SLC35A5: variants seen among roughly 807,000 people sequenced by gnomAD.
SLC35A5 encodes UDP-sugar transporter protein SLC35A5.
In SLC35A5, 28 loss-of-function variants were observed where a neutral mutation model predicts 36.3. The ratio of observed to expected loss-of-function variants is 0.77; its 90% CI spans 0.57 to 1.06. SLC35A5 has a LOEUF of 1.06. Ranked by LOEUF, SLC35A5 falls within the 50% of genes least tolerant of loss-of-function variation. SLC35A5 has a pLI of 0.00. For missense variants in SLC35A5, 521 were observed against 499.3 expected (o/e 1.04, Z -0.41); for synonymous variants, 180 against 173.7 (o/e 1.04, Z -0.29).
chr3:112,561,490 C>G (rs1933878127), upstream of SLC35A5: 3 of 1,613,312 alleles, frequency 1.9e-6, no homozygotes, highest in East Asian at 6.7e-5. Context: ...CAGCCACTTC[C>G]AGTGCCTTTC....
chr3:112,565,495 G>T (rs1049627029), intron 2 of SLC35A5, among the ~76,000 whole-genome samples: 1 of 152,106 alleles, frequency 6.6e-6, no homozygotes, highest in Non-Finnish European at 1.5e-5. Context: ...TTAAGGACTC[G>T]TAGCCAGGCA....
At position 112,581,260 on chromosome 3, in the gene SLC35A5, G is replaced by A. The variant is rs760572824; in HGVS notation, c.1143G>A (p.Pro381=). The A allele has an allele frequency of 4.6e-5, 75 of 1,613,546 alleles. No individual in the cohort carries two copies. Among genetic ancestry groups the A allele is most frequent in the African/African-American group, 2.1e-4 (16 of 74,806 alleles). The change falls in exon 6 of 7, where the codon CCG becomes CCA. Residue 381 remains proline, a synonymous_variant. Transcript: ENST00000492406. Reference sequence around the variant, plus strand: ...ATAATGCCAGCAAGCCTCAAGTTCCGGAATACGCACCTAGGCAAGAAAGGA... The same window carrying A: ...ATAATGCCAGCAAGCCTCAAGTTCCAGAATACGCACCTAGGCAAGAAAGGA... The part of the protein sequence containing the change: ...FIYNASKPQV[P]EYAPRQERIR...
Position 112,583,086 on chromosome 3 carries a change from G to T in SLC35A5, c.*350G>T. 2.5e-6 allele frequency: 1 copy of T among 400,716 alleles called. No individual in the cohort carries two copies. Among genetic ancestry groups the T allele is most frequent in the Non-Finnish European group, 4.4e-6 (1 of 227,490 alleles). The allele number at this position is 400,716 out of a possible 1,614,324, so 24.8% of individuals were successfully genotyped here. A position where few individuals can be genotyped will look rare whatever the true frequency, so the allele number is the denominator to read the frequency against. On this transcript the variant is annotated 3_prime_UTR_variant, in exon 7 of 7. Coordinates refer to ENST00000492406, the MANE Select transcript of SLC35A5 (RefSeq NM_017945.5). Reference sequence around the variant, plus strand: ...TGTATATACACATAGAGATCAATTTGCCAAATATTCACAATCATGTAGTTC... The same window carrying T: ...TGTATATACACATAGAGATCAATTTTCCAAATATTCACAATCATGTAGTTC...
At position 112,583,414 on chromosome 3, in the gene SLC35A5, T is replaced by A. The variant is rs981324701; in HGVS notation, c.*678T>A. On this transcript the variant is annotated 3_prime_UTR_variant, in exon 7 of 7. Transcript: ENST00000492406. The stretch of plus-strand genomic sequence containing the variant: ...GATGTTTTAAACATTGGTTCCCTAG[T>A]CACCATAGTTACCACTTGTATTTTA... 1 of 307,478 alleles carries A rather than the reference T, an allele frequency of 3.3e-6. No homozygotes were observed. Among genetic ancestry groups the A allele is most frequent in the African/African-American group, 2.1e-5 (1 of 46,892 alleles). 19.0% of individuals were successfully genotyped at this position (307,478 alleles called of 1,614,324 possible).
upstream of SLC35A5, chr3:112,561,755 C>T: frequency 1.9e-6 from 1 of 532,032 alleles, no homozygotes; most frequent in South Asian, 2.3e-5. Context: ...CCAGGCAGCC[C>T]GCGACGGACC....
At chr3:112,565,171 G>T (rs1209553881) in intron 2 of SLC35A5, among the ~76,000 whole-genome samples, 1 of 151,186 alleles carries the variant, frequency 6.6e-6, no homozygotes, top group Non-Finnish European at 1.5e-5. Context: ...TTGTCCTCAA[G>T]ACTTAGTTTA....
upstream of SLC35A5, chr3:112,561,374 G>A: frequency 1.4e-6 from 2 of 1,433,336 alleles, no homozygotes; most frequent in South Asian, 1.2e-5. Flanking sequence ...CCCCGCCGGA[G>A]AAAGCGGGGA....
intron 2 of SLC35A5, among the ~76,000 whole-genome samples, chr3:112,565,144 T>C (rs1470906254): frequency 1.3e-5 from 2 of 152,166 alleles, no homozygotes; most frequent in African/African-American, 2.4e-5. Context: ...AGGTTCAAAG[T>C]GCATAAGATA....
Position 112,582,730 on chromosome 3 carries a change from T to C in SLC35A5, c.1269T>C (p.Thr423=), listed in dbSNP as rs1173222047. The stretch of plus-strand genomic sequence containing the variant: ...AGAGTGATGAGTCAGATGAAGATAC[T>C]TTCTAACTGGTACCCACATAGTTTG... The part of the protein sequence containing the change: ...KPKSDESDED[T]F Residue 423 remains threonine, a synonymous_variant, in exon 7 of 7, where the codon ACT becomes ACC. Transcript: ENST00000492406. The C allele has an allele frequency of 6.2e-7, 1 of 1,611,550 alleles. No individual in the cohort carries two copies. The highest frequency in any genetic ancestry group is 1.7e-5 in the Admixed American group (1 of 59,922).
intron 5 of SLC35A5, among the ~76,000 whole-genome samples, chr3:112,579,582 C>G (rs987453185): frequency 6.6e-6 from 1 of 152,002 alleles, no homozygotes; most frequent in African/African-American, 2.4e-5. Context: ...TATATCACCA[C>G]CTCCTTTTTC....
chr3:112,571,754 TACTC>T (rs1576751195), intron 4 of SLC35A5, among the ~76,000 whole-genome samples: 2 of 152,220 alleles, frequency 1.3e-5, no homozygotes, highest in South Asian at 4.1e-4. Flanking sequence ...TCATGAGACT[TACTC>T]AGTACCATGA....
intron 4 of SLC35A5, among the ~76,000 whole-genome samples, chr3:112,572,033 C>T (rs1372380020): frequency 7.2e-6 from 1 of 138,742 alleles, no homozygotes; most frequent in Non-Finnish European, 1.5e-5. Context: ...AGCTCCGCTT[C>T]CCGGGTTCAC....
chr3:112,577,101 A>AT (rs59601018), intron 5 of SLC35A5, among the ~76,000 whole-genome samples: 2,486 of 150,964 alleles, frequency 0.016, 56 homozygotes, highest in African/African-American at 0.052. Flanking sequence ...AGAAAAAAAA[A>AT]AATAATTTTT....
In SLC35A5 at chr3:112,582,792, T is replaced by TTGTAATATTTATC; in HGVS notation, c.*58_*70dup. 1 of 1,361,874 alleles carries TTGTAATATTTATC rather than the reference T, an allele frequency of 7.3e-7. No homozygotes were observed. 84.4% of individuals were successfully genotyped at this position (1,361,874 alleles called of 1,614,324 possible). A position where few individuals can be genotyped will look rare whatever the true frequency, so the allele number is the denominator to read the frequency against. On this transcript the variant is annotated 3_prime_UTR_variant, in exon 7 of 7. Transcript: ENST00000492406. ...AACCTTATTTTCACATTTTCAGTGT[T>TTGTAATATTTATC]TGTAATATTTATCTTTTCACTTTGA...
At chr3:112,576,803 G>A (rs939442016) in intron 5 of SLC35A5, among the ~76,000 whole-genome samples, 1 of 152,048 alleles carries the variant, frequency 6.6e-6, no homozygotes, top group Non-Finnish European at 1.5e-5. Context: ...ACTTAACTTT[G>A]TTCTATTTTG....
upstream of SLC35A5, chr3:112,561,466 C>A (rs138058725): frequency 6.4e-7 from 1 of 1,565,480 alleles, no homozygotes; most frequent in African/African-American, 1.4e-5. Flanking sequence ...CCTTGAGGAC[C>A]GGGGTCAGGT....
At chr3:112,570,294 A>T (rs1934381694) in intron 3 of SLC35A5, 1 of 270,648 alleles carries the variant, frequency 3.7e-6, no homozygotes, top group Admixed American at 5.4e-5. Flanking sequence ...CCACATATTT[A>T]TTCTGAGTTG....
At chr3:112,581,973 A>G (rs1934950704) in intron 6 of SLC35A5, among the ~76,000 whole-genome samples, 1 of 151,424 alleles carries the variant, frequency 6.6e-6, no homozygotes, top group East Asian at 1.9e-4. Context: ...GTTGCTTGCA[A>G]TTGTTTTGGA....
At chr3:112,576,519 C>G (rs1934686417) in intron 5 of SLC35A5, among the ~76,000 whole-genome samples, 4 of 152,210 alleles carry the variant, frequency 2.6e-5, no homozygotes, top group Non-Finnish European at 5.9e-5. Flanking sequence ...AAATTTGAAA[C>G]TCTAAGTCCA....
Sources: gnomAD v4.1 joint callset for allele counts (sites outside exome capture counted in the v4.1 genomes callset) on GRCh38, gnomAD v4.1.1 for gene constraint, MANE v1.5 for transcripts, NCBI Gene and HGNC (gene_info 2026-07-23, HGNC 2026-07-21) for gene names.